MTOR: variants seen among roughly 807,000 people sequenced by gnomAD.
The protein encoded by MTOR is serine/threonine-protein kinase mTOR.
MTOR carries 70 observed loss-of-function variants against 319.8 expected under a neutral mutation model. That is an observed-to-expected ratio of 0.22 (90% CI 0.18 to 0.27). MTOR has a LOEUF of 0.27. Among genes scored for constraint, MTOR ranks in the 10% least tolerant of loss-of-function variants. MTOR has a pLI of 1.00. For synonymous variants in MTOR, 1,183 were observed against 1,211.4 expected, an observed-to-expected ratio of 0.98 and a Z score of 0.49; for missense variants, 1,890 against 3,274.4, an observed-to-expected ratio of 0.58 and a Z score of 10.32.
chr1:11,190,002 A>C (rs1645467198), intron 28 of MTOR: 2 of 1,559,376 alleles, frequency 1.3e-6, no homozygotes, highest in South Asian at 2.5e-5. Context: ...CTCCCCATCT[A>C]CAGCACTGCT....
Position 11,107,101 on chromosome 1 carries a change from C to T in MTOR, c.*384G>A, listed in dbSNP as rs190688020. On this transcript the variant is annotated 3_prime_UTR_variant, in exon 58 of 58. Coordinates refer to ENST00000361445, the MANE Select transcript of MTOR (RefSeq NM_004958.4). ...AGGCTTCTTGGCTGTGCTGAGTTTG[C>T]TGTACCCATGTTGAGAGGAGCAACT... The T allele has an allele frequency of 2.6e-3, 3,579 of 1,374,868 alleles. 12 individuals carry two copies. The highest frequency in any genetic ancestry group is 3.2e-3 in the South Asian group (261 of 81,750). 85.2% of individuals were successfully genotyped at this position (1,374,868 alleles called of 1,614,324 possible).
intron 47 of MTOR, among the ~76,000 whole-genome samples, chr1:11,123,774 T>G (rs1466443670): frequency 1.3e-5 from 2 of 151,892 alleles, no homozygotes; most frequent in African/African-American, 4.8e-5. Flanking sequence ...GCCACTTAAT[T>G]TTTTTTTCCT....
rs189701232 is a variant in MTOR, at chr1:11,110,692, G to A, written c.7367-963C>T. 5.3e-5 allele frequency among the ~76,000 whole-genome samples: 8 copies of A among 152,084 alleles called. No individual in the cohort carries two copies. In the East Asian group the frequency reaches 9.7e-4, roughly 18 times the overall value. ...ATTATAGGCATGAACCACCGCACCC[G>A]GGTGATAGTTATACTTCTATTAATG... On this transcript the variant is annotated intron_variant, in intron 54 of 57. Coordinates refer to ENST00000361445, the MANE Select transcript of MTOR (RefSeq NM_004958.4).
At chr1:11,151,124 A>T (rs1644126687) in intron 30 of MTOR, among the ~76,000 whole-genome samples, 1 of 152,090 alleles carries the variant, frequency 6.6e-6, no homozygotes, top group Non-Finnish European at 1.5e-5. Flanking sequence ...TCTGCGCTCT[A>T]AGGTGGTGTA....
Position 11,230,991 on chromosome 1 carries a change from T to C in MTOR, c.2713A>G (p.Met905Val). 6.2e-7 allele frequency: 1 copy of C among 1,614,122 alleles called. No individual in the cohort carries two copies. The highest frequency in any genetic ancestry group is 8.5e-7 in the Non-Finnish European group (1 of 1,180,018). ...GAGGCATCCCGGGACTGGTCTATCA[T>C]GCCAATGTTCACTTTGTGCTTGTAA... The part of the protein sequence containing the change: ...DPYKHKVNIG[M>V]IDQSRDASAV... Residue 905 changes from methionine to valine, a missense_variant, in exon 18 of 58, where the codon ATG becomes GTG. Met to Val is a conservative substitution (Grantham distance 21, BLOSUM62 1). Transcript: ENST00000361445.
At chr1:11,194,548 T>C (rs1265271034) in intron 28 of MTOR, 1 of 1,614,042 alleles carries the variant, frequency 6.2e-7, no homozygotes, top group East Asian at 2.2e-5. Context: ...CCTGGGGAAC[T>C]ACACTGGCAA....
intron 30 of MTOR, among the ~76,000 whole-genome samples, chr1:11,154,325 C>T (rs1297822799): frequency 1.3e-5 from 2 of 151,798 alleles, no homozygotes; most frequent in African/African-American, 4.8e-5. Flanking sequence ...CTTCTGGGCT[C>T]AAGCAATCCG....
At chr1:11,260,678 A>T (rs1274808986) in intron 1 of MTOR, among the ~76,000 whole-genome samples, 1 of 151,982 alleles carries the variant, frequency 6.6e-6, no homozygotes, top group Non-Finnish European at 1.5e-5. Flanking sequence ...ATATCATTTC[A>T]ACATGTTATC....
rs753208500 is a variant in MTOR at position 11,139,349 on chromosome 1, C to A, written c.5085G>T (p.Gln1695His). 1 of 1,613,078 alleles carries A rather than the reference C, an allele frequency of 6.2e-7. No individual in the cohort carries two copies. Among genetic ancestry groups the A allele is most frequent in the East Asian group, 2.2e-5 (1 of 44,900 alleles). Residue 1695 changes from glutamine (Q) to histidine (H), a missense_variant, in exon 36 of 58, where the codon CAG becomes CAT. This residue lies in a region of MTOR where 276 missense variants were observed against 459.4 expected (regional missense o/e 0.60). Transcript: ENST00000361445. ...LDHPLPTVHP[Q>H]VTYAYMKNMW... Reference sequence around the variant, plus strand: ...TGTTTTTCATGTAGGCATAGGTCACCTGAGGGTGAACTGTTGGCAGAGGAT... The same window carrying A: ...TGTTTTTCATGTAGGCATAGGTCACATGAGGGTGAACTGTTGGCAGAGGAT...
intron 1 of MTOR, among the ~76,000 whole-genome samples, chr1:11,261,368 A>C (rs1320197421): frequency 6.6e-6 from 1 of 151,080 alleles, no homozygotes; most frequent in Non-Finnish European, 1.5e-5. Context: ...GCTACTCGGG[A>C]GGCTGAGGCA....
At chr1:11,226,167 CAGACT>C (rs1251855051) in intron 19 of MTOR, 2 of 152,052 alleles carry the variant, frequency 1.3e-5, no homozygotes, top group African/African-American at 4.8e-5. Context: ...ATGACTATTA[CAGACT>C]AAAGAATTCA....
At position 11,212,235 on chromosome 1, in the gene MTOR, G is replaced by C. The variant is rs1406516737; in HGVS notation, c.3561+77C>G. 1 of 1,516,080 alleles carries C rather than the reference G, an allele frequency of 6.6e-7. No homozygotes were observed. The allele number at this position is 1,516,080 out of a possible 1,614,324, so 93.9% of individuals were successfully genotyped here. ...CTGATGGTGGCTGGCATCAGACAAA[G>C]TCTGAGTGGCTCACAGACAAAGTCT... is the stretch of plus-strand genomic sequence containing the variant. On this transcript the variant is annotated intron_variant, in intron 23 of 57. Transcript: ENST00000361445. This position sits in a 1 kb window ranked among gnomAD's most constrained non-coding sequence, Gnocchi z 4.1.
chr1:11,203,809 CTGCGCCTTTGTG>C (rs1407228863), intron 26 of MTOR, among the ~76,000 whole-genome samples: 1 of 152,230 alleles, frequency 6.6e-6, no homozygotes, highest in African/African-American at 2.4e-5. Flanking sequence ...TTGAGCCTGA[CTGCGCCTTTGTG>C]GCTGCCTTGA....
At position 11,157,141 on chromosome 1, in the gene MTOR, A is replaced by C; in HGVS notation, c.4469+11T>G. On this transcript the variant is annotated intron_variant, in intron 30 of 57. Coordinates refer to ENST00000361445, the MANE Select transcript of MTOR (RefSeq NM_004958.4). ...TTGCAGCCACACATGCCATCATTCT[A>C]GGAAGCTCACCATTCCCCCAAGGCC... The C allele has an allele frequency of 2.5e-6, 4 of 1,592,918 alleles. No homozygotes were observed. The highest frequency in any genetic ancestry group is 3.4e-6 in the Non-Finnish European group (4 of 1,171,144).
intron 19 of MTOR, among the ~76,000 whole-genome samples, chr1:11,222,194 A>T (rs1193567425): frequency 6.6e-6 from 1 of 151,780 alleles, no homozygotes; most frequent in African/African-American, 2.4e-5. Flanking sequence ...AATTTATTTA[A>T]AAAAAATTTT....
chr1:11,193,521 C>G, intron 28 of MTOR: 1 of 1,497,394 alleles, frequency 6.7e-7, no homozygotes, highest in Non-Finnish European at 9.0e-7. Flanking sequence ...GAAGCCTGCC[C>G]TCTTGCTCCT....
Position 11,109,740 on chromosome 1 carries a change from A to G in MTOR, c.7367-11T>C. On this transcript the variant is annotated splice_polypyrimidine_tract_variant and intron_variant, in intron 54 of 57. Coordinates refer to ENST00000361445, the MANE Select transcript of MTOR (RefSeq NM_004958.4). This position sits in a 1 kb window ranked among gnomAD's most constrained non-coding sequence, Gnocchi z 4.0. ...CACCGTCCAAAATTTCTATGGGAAAAGAAATCAATTAACAGAAAATTCAAA... is the reference window on the plus strand; with the variant it reads ...CACCGTCCAAAATTTCTATGGGAAAGGAAATCAATTAACAGAAAATTCAAA... 1 of 1,613,246 alleles carries G rather than the reference A, an allele frequency of 6.2e-7. No homozygotes were observed. Among genetic ancestry groups the G allele is most frequent in the Non-Finnish European group, 8.5e-7 (1 of 1,179,174 alleles).
intron 8 of MTOR, among the ~76,000 whole-genome samples, chr1:11,243,644 T>C (rs1407951544): frequency 1.3e-5 from 2 of 149,290 alleles, no homozygotes; most frequent in African/African-American, 4.9e-5. Context: ...GGTGTGATCG[T>C]GTGCAGCACT....
chr1:11,249,415 ATTTATTTATTTATTTATTT>A (rs1649295994), intron 6 of MTOR, among the ~76,000 whole-genome samples: 1 of 148,906 alleles, frequency 6.7e-6, no homozygotes, highest in African/African-American at 2.5e-5. Context: ...ATCTTTATTT[ATTTATTTATTTATTTATTT>A]TTTATTGATC....
Sources: gnomAD v4.1 joint callset for allele counts (sites outside exome capture counted in the v4.1 genomes callset) on GRCh38, gnomAD v4.1.1 for gene constraint, gnomAD v4.1.1 regional missense constraint, Gnocchi (gnomAD v3.1) non-coding constraint, MANE v1.5 for transcripts, NCBI Gene and HGNC (gene_info 2026-07-23, HGNC 2026-07-21) for gene names.